SHBG: variants seen among roughly 807,000 people sequenced by gnomAD.
SHBG encodes the protein sex hormone-binding globulin.
Under a neutral mutation model 41.9 loss-of-function variants are expected in SHBG, and 37 were observed. That is an observed-to-expected ratio of 0.88 (90% CI 0.68 to 1.16). SHBG has a LOEUF of 1.16. Among genes scored for constraint, SHBG ranks in the 50% most tolerant of loss-of-function variants. The pLI, the probability that SHBG is intolerant of heterozygous loss-of-function variation, is 0.00. For missense variants in SHBG, 466 were observed against 499.9 expected (o/e 0.93, Z 0.65); for synonymous variants, 217 against 205.8 (o/e 1.05, Z -0.47).
chr17:7,623,635 T>G (rs1050998462), upstream of SHBG, among the ~76,000 whole-genome samples: 1 of 152,204 alleles, frequency 6.6e-6, no homozygotes, highest in African/African-American at 2.4e-5. Flanking sequence ...TGTTTTTGTA[T>G]TTTTTGCAGT....
intron 1 of SHBG, among the ~76,000 whole-genome samples, chr17:7,622,785 T>C (rs2072121474): frequency 6.6e-6 from 1 of 151,322 alleles, no homozygotes; most frequent in Admixed American, 6.6e-5. Context: ...ATCCCAGTAC[T>C]TTGGGAGGCC....
intron 1 of SHBG, among the ~76,000 whole-genome samples, chr17:7,618,242 A>G (rs1018028625): frequency 3.3e-5 from 5 of 151,598 alleles, no homozygotes; most frequent in African/African-American, 1.2e-4. Flanking sequence ...AATTATTTCC[A>G]ACCTCGTTTC....
At chr17:7,627,750 G>T, upstream of SHBG, 4 of 1,220,284 alleles carry the variant, frequency 3.3e-6, no homozygotes, top group Non-Finnish European at 4.8e-6. The surrounding 1 kb of genome is among the most constrained non-coding windows in gnomAD (Gnocchi z 4.8). Context: ...GGTGGCGGGA[G>T]TCGGGGGGGA....
chr17:7,622,250 A>G (rs2072111895), intron 1 of SHBG, among the ~76,000 whole-genome samples: 2 of 151,388 alleles, frequency 1.3e-5, no homozygotes, highest in South Asian at 4.2e-4. Flanking sequence ...CACTCCAATC[A>G]GCCCCAACAC....
rs759684574 is a variant in SHBG, at chr17:7,614,559, C to A, written c.-62+448C>A. The A allele has an allele frequency of 7.8e-6, 11 of 1,413,962 alleles. No individual in the cohort carries two copies. The South Asian group carries it at 1.4e-4, about 18-fold the overall frequency. 87.6% of individuals were successfully genotyped at this position (1,413,962 alleles called of 1,614,324 possible). On this transcript the variant is annotated intron_variant, in intron 1 of 5. Coordinates refer to the SHBG transcript ENST00000570547. Reference sequence around the variant, plus strand: ...GCGCCGCCACCGCCTCCGACTCCCCCGGCGGCGGCTGCAGCAGCAGTCTGA... The same window carrying A: ...GCGCCGCCACCGCCTCCGACTCCCCAGGCGGCGGCTGCAGCAGCAGTCTGA...
intron 1 of SHBG, among the ~76,000 whole-genome samples, chr17:7,615,733 C>T (rs1270162360): frequency 7.1e-6 from 1 of 141,038 alleles, no homozygotes; most frequent in African/African-American, 2.6e-5. Context: ...ACTCGGGAGG[C>T]TGAGGCAGGA....
chr17:7,630,784 G>T lies in SHBG; in HGVS notation c.308G>T (p.Gly103Val), dbSNP rs2072381637. The change falls in exon 3 of 8, where the codon GGC becomes GTC. Residue 103 changes from glycine to valine, a missense_variant. Transcript: ENST00000380450. This position sits in a 1 kb window ranked among gnomAD's most constrained non-coding sequence, Gnocchi z 4.6. ...TGGTTTATGCTGGGACTTCGAGACG[G>T]CAGGCCTGAGATCCAACTGCACAAT... ...DDWFMLGLRD[G>V]RPEIQLHNHW... is the part of the protein sequence containing the mutation. 6.2e-7 allele frequency: 1 copy of T among 1,613,912 alleles called. No individual in the cohort carries two copies. The highest frequency in any genetic ancestry group is 8.5e-7 in the Non-Finnish European group (1 of 1,179,998).
chr17:7,633,127 G>A, intron 7 of SHBG, 77 bp from the exon 8 acceptor site: 2 of 1,565,742 alleles, frequency 1.3e-6, no homozygotes, highest in South Asian at 2.2e-5. Context: ...GGTTGGAGGA[G>A]TGGAAAAGTG....
upstream of SHBG, chr17:7,627,421 C>T (rs2150963063): frequency 6.2e-7 from 1 of 1,614,052 alleles, no homozygotes; most frequent in East Asian, 2.2e-5. The surrounding 1 kb of genome is among the most constrained non-coding windows in gnomAD (Gnocchi z 4.8). Context: ...GCTCCTAAGG[C>T]GTGGGTACGG....
chr17:7,614,394 T>C, intron 1 of SHBG: 2 of 1,285,244 alleles, frequency 1.6e-6, no homozygotes, highest in Non-Finnish European at 2.1e-6. Flanking sequence ...CACGCGTTCC[T>C]GCTCCGGCCA....
At chr17:7,624,536 G>A (rs549610835), upstream of SHBG, among the ~76,000 whole-genome samples, 6 of 152,066 alleles carry the variant, frequency 3.9e-5, no homozygotes, top group South Asian at 1.0e-3. Context: ...CACTGCACCC[G>A]GCCTAATTTT....
At position 7,630,540 on chromosome 17, in the gene SHBG, C is replaced by T. The variant is rs777454424; in HGVS notation, c.203+33C>T. The stretch of plus-strand genomic sequence containing the variant: ...GTTGGCCTAGCCCTTGACCCAGTCC[C>T]CTGGTTCTGCCCTCTCTCCATCAGC... On this transcript the variant is annotated intron_variant, in intron 2 of 7. Coordinates refer to ENST00000380450, the MANE Select transcript of SHBG (RefSeq NM_001040.5). The surrounding 1 kb of genome is among the most constrained non-coding windows in gnomAD (Gnocchi z 4.6). The T allele has an allele frequency of 6.3e-7, 1 of 1,584,862 alleles. No homozygotes were observed. Among genetic ancestry groups the T allele is most frequent in the Admixed American group, 1.7e-5 (1 of 59,958 alleles).
upstream of SHBG, among the ~76,000 whole-genome samples, chr17:7,625,997 T>C (rs141747275): frequency 8.2e-3 from 1,177 of 144,044 alleles, 17 homozygotes; most frequent in African/African-American, 0.028. Flanking sequence ...AGATCAGGAG[T>C]TGGAGACCAG....
At chr17:7,614,144 A>G (rs1396679974) in intron 1 of SHBG, 3 of 604,454 alleles carry the variant, frequency 5.0e-6, no homozygotes, top group South Asian at 1.5e-5. Context: ...GACACAGTCA[A>G]TTAGAAGCTG....
At chr17:7,627,849 CG>C, upstream of SHBG, 1 of 654,764 alleles carries the variant, frequency 1.5e-6, no homozygotes. This position sits in a 1 kb window ranked among gnomAD's most constrained non-coding sequence, Gnocchi z 4.8. Context: ...ATCCTCTGTC[CG>C]GGCATAGCCC....
At chr17:7,614,499 G>A in intron 1 of SHBG, 1 of 1,533,542 alleles carries the variant, frequency 6.5e-7, no homozygotes. Flanking sequence ...GGCAGTCCCG[G>A]CTCCACATCC....
chr17:7,632,983 T>A, intron 7 of SHBG, 24 bp downstream of exon 7: 1 of 1,596,910 alleles, frequency 6.3e-7, no homozygotes, highest in Non-Finnish European at 8.6e-7. Flanking sequence ...ATGTTCAAGT[T>A]CATGAGCACA....
intron 7 of SHBG, 121 bp from the exon 8 acceptor site, chr17:7,633,083 G>A: frequency 7.1e-7 from 1 of 1,407,230 alleles, no homozygotes; most frequent in Non-Finnish European, 1.0e-6. Context: ...AAGAAGATAT[G>A]GGGGCAGTGG....
upstream of SHBG, chr17:7,626,583 C>A (rs200260918): frequency 1.5e-4 from 245 of 1,613,814 alleles, no homozygotes; most frequent in Non-Finnish European, 2.0e-4. Context: ...GACGGCCAGG[C>A]GGAATTGGGA....
Sources: allele counts gnomAD v4.1 joint callset (sites outside exome capture counted in the v4.1 genomes callset), GRCh38; gene constraint gnomAD v4.1.1; non-coding constraint Gnocchi (gnomAD v3.1); transcripts MANE v1.5; gene names NCBI Gene and HGNC (gene_info 2026-07-23, HGNC 2026-07-21).